The following PCNT variants were observed in gnomAD, a reference collection of about 807,000 sequenced individuals.
PCNT encodes kendrin.
In PCNT, 319 loss-of-function variants were observed where a neutral mutation model predicts 380.4. That is an observed-to-expected ratio of 0.84 (90% CI 0.77 to 0.92). The LOEUF (loss-of-function observed/expected upper bound fraction) is 0.92. PCNT is among the 40% of genes least tolerant of loss of function. The pLI is 0.00. For synonymous variants in PCNT, 1,845 were observed against 1,735.2 expected (o/e 1.06, Z -1.57); for missense variants, 4,400 against 4,255.3 (o/e 1.03, Z -0.95).
At chr21:46,369,777 G>T (rs908330555) in intron 15 of PCNT, among the ~76,000 whole-genome samples, 3 of 152,204 alleles carry the variant, frequency 2.0e-5, no homozygotes, top group Non-Finnish European at 2.9e-5. Flanking sequence ...GGAGCTGGTC[G>T]CAGCCCTGTG....
rs556962982 is a variant in PCNT at position 46,405,084 on chromosome 21, T to A, written c.5115+2601T>A. Among the ~76,000 whole-genome samples, 67 of 152,226 alleles carry A rather than the reference T, an allele frequency of 4.4e-4. No individual in the cohort carries two copies. In the South Asian group the frequency reaches 5.2e-3, roughly 12 times the overall value. On this transcript the variant is annotated intron_variant, in intron 27 of 46. Coordinates refer to ENST00000359568, the MANE Select transcript of PCNT (RefSeq NM_006031.6). ...TGAGACCCATCTCTACAAATTTTTTTAAAAAATTTAGCCAGGCATACACCT... is the reference window on the plus strand; with the variant it reads ...TGAGACCCATCTCTACAAATTTTTTAAAAAAATTTAGCCAGGCATACACCT...
chr21:46,413,012 C>T lies in PCNT; in HGVS notation c.6150+20C>T, dbSNP rs369310351. 18 of 1,603,510 alleles carry T rather than the reference C, an allele frequency of 1.1e-5. No individual in the cohort carries two copies. The highest frequency in any genetic ancestry group is 6.7e-5 in the African/African-American group (5 of 74,864). Reference sequence around the variant, plus strand: ...GGCAAGGTGTGGGGAGGGGGGAAGGCGCGAGGTCCCCCCGGGAGAGGCTGG... The same window carrying T: ...GGCAAGGTGTGGGGAGGGGGGAAGGTGCGAGGTCCCCCCGGGAGAGGCTGG... On this transcript the variant is annotated intron_variant, in intron 29 of 46. Transcript: ENST00000359568.
intron 17 of PCNT, among the ~76,000 whole-genome samples, chr21:46,386,284 A>G (rs2085832041): frequency 6.6e-6 from 1 of 150,834 alleles, no homozygotes; most frequent in African/African-American, 2.5e-5. Context: ...ACAGAGCCCG[A>G]CCCCTCCCCT....
rs552088727 is a variant in PCNT at position 46,382,535 on chromosome 21, G to C, written c.3312+695G>C. Among the ~76,000 whole-genome samples, 2 of 144,572 alleles carry C rather than the reference G, an allele frequency of 1.4e-5. 1 individual carries two copies. The highest frequency in any genetic ancestry group is 5.1e-5 in the African/African-American group (2 of 39,396). The allele number at this position is 144,572 out of a possible 152,430, so 94.8% of individuals were successfully genotyped here. A position where few individuals can be genotyped will look rare whatever the true frequency, so the allele number is the denominator to read the frequency against. On this transcript the variant is annotated intron_variant, in intron 16 of 46. Transcript: ENST00000359568. ...GTGGCAGAAGCTCATTCACAGTGTTGTGCATAGTTCAGTGGCGGAAGCACA... is the reference window on the plus strand; with the variant it reads ...GTGGCAGAAGCTCATTCACAGTGTTCTGCATAGTTCAGTGGCGGAAGCACA...
intron 24 of PCNT, among the ~76,000 whole-genome samples, chr21:46,398,616 C>A (rs1007455050): frequency 6.6e-6 from 1 of 152,190 alleles, no homozygotes. Context: ...GGCCATGCCG[C>A]CGTCCTTTCT....
chr21:46,435,925 C>A lies in PCNT; in HGVS notation c.8773C>A (p.Gln2925Lys). ...ACAGCGAGAATTAGAACTGCAGCGT[C>A]AGCGTGACTTGCATAAGATCAAGCA... ...EKLRELELQR[Q>K]RDLHKIKQLQ... Residue 2925 changes from glutamine to lysine, a missense_variant, in exon 39 of 47, where the codon CAG becomes AAG. Transcript: ENST00000359568. The A allele has an allele frequency of 6.2e-7, 1 of 1,614,200 alleles. No individual in the cohort carries two copies.
In PCNT at chr21:46,428,590, G is replaced by T. The variant is rs2087609531; in HGVS notation, c.7690G>T (p.Val2564Phe). 2 of 1,594,342 alleles carry T rather than the reference G, an allele frequency of 1.3e-6. No individual in the cohort carries two copies. Among genetic ancestry groups the T allele is most frequent in the African/African-American group, 1.3e-5 (1 of 74,958 alleles). ...GCAGGAGCACCAGCTGCGCAGGCAG[G>T]GTGGGTGTCACTGTCTACACTGCCT... ...SQQEHQLRRQ[V>F]ELLAYKVEQE... Residue 2564 changes from valine to phenylalanine, a missense_variant and splice_region_variant, in exon 35 of 47, where the codon GTT becomes TTT. Transcript: ENST00000359568.
chr21:46,438,329 A>G lies in PCNT; in HGVS notation c.9265A>G (p.Ser3089Gly). 1 of 1,614,050 alleles carries G rather than the reference A, an allele frequency of 6.2e-7. No homozygotes were observed. The change falls in exon 41 of 47, where the codon AGC (serine) becomes GGC (glycine). Residue 3089 changes from serine (S) to glycine (G), a missense_variant. By Grantham distance (56) the Ser-to-Gly change is moderately conservative (BLOSUM62 0). Coordinates refer to ENST00000359568, the MANE Select transcript of PCNT (RefSeq NM_006031.6). ...LLKHHLQKGCSPSRSERSAWK... is the reference protein window; with the variant it reads ...LLKHHLQKGCGPSRSERSAWK... The stretch of plus-strand genomic sequence containing the variant: ...GAAGCACCATCTGCAGAAGGGCTGC[A>G]GCCCAAGCGTAGGTGTCTGTGCTTA...
At chr21:46,415,812 C>CA (rs1319064923) in intron 29 of PCNT, among the ~76,000 whole-genome samples, 1 of 152,214 alleles carries the variant, frequency 6.6e-6, no homozygotes, top group African/African-American at 2.4e-5. Flanking sequence ...ATAGAACCTT[C>CA]CCATCCTTTT....
chr21:46,361,283 C>T (rs71326324), intron 13 of PCNT, among the ~76,000 whole-genome samples: 19,645 of 152,192 alleles, frequency 0.13, 1,330 homozygotes, highest in East Asian at 0.19. Flanking sequence ...CCCAGCTACT[C>T]GGGGGCCTGA....
chr21:46,363,539 T>G lies in PCNT; in HGVS notation c.2214T>G (p.Thr738=). ...AACTAAATAATGCTAAGCAAAAGAC[T>G]GAGCTGATGAAACAGGAATTCCAAA... ...QKELNNAKQK[T]ELMKQEFQRK... The change falls in exon 14 of 47, where the codon ACT becomes ACG. Residue 738 remains threonine (T), a synonymous_variant. Transcript: ENST00000359568. The G allele has an allele frequency of 6.2e-7, 1 of 1,613,958 alleles. No homozygotes were observed. Among genetic ancestry groups the G allele is most frequent in the Non-Finnish European group, 8.5e-7 (1 of 1,179,956 alleles).
rs567209200 is a variant in PCNT, at chr21:46,348,627, T to C, written c.1033-385T>C. On this transcript the variant is annotated intron_variant, in intron 6 of 46. Coordinates refer to ENST00000359568, the MANE Select transcript of PCNT (RefSeq NM_006031.6). ...GGGCCATGACTGCCCATTCTTTTTT[T>C]TCTTTGAGACAGGGTCTCATTCTGC... Among the ~76,000 whole-genome samples the C allele has an allele frequency of 2.0e-5, 3 of 152,316 alleles. No homozygotes were observed. In the East Asian group the frequency reaches 5.8e-4, roughly 29 times the overall value.
At chr21:46,411,018 A>G (rs1328857143) in intron 27 of PCNT, among the ~76,000 whole-genome samples, 171 bp from the exon 28 acceptor site, 2 of 152,220 alleles carry the variant, frequency 1.3e-5, no homozygotes, top group Non-Finnish European at 2.9e-5. Flanking sequence ...GTGGCAGCCA[A>G]GGTGGGTGTG....
chr21:46,324,432 C>T, intron 1 of PCNT, 150 bp downstream of exon 1: 1 of 741,264 alleles, frequency 1.3e-6, no homozygotes, highest in East Asian at 2.7e-5. Flanking sequence ...CCGCTGGAAG[C>T]CGCCTCCTGG....
Position 46,353,715 on chromosome 21 carries a change from GGTGTGTGTGT to G in PCNT, c.1680-244_1680-235del, listed in dbSNP as rs72175446. Among the ~76,000 whole-genome samples the G allele has an allele frequency of 1.7e-3, 213 of 129,046 alleles. 5 individuals are homozygous for G. In the East Asian group the frequency reaches 0.035, roughly 21 times the overall value. The allele number at this position is 129,046 out of a possible 152,430, so 84.7% of individuals were successfully genotyped here. A position where few individuals can be genotyped will look rare whatever the true frequency, so the allele number is the denominator to read the frequency against. ...TTGGTGGCAGGGGCACTCTCCTCCAGGTGTGTGTGTGTGTGTGTGTGTGTGTGTGTGTGTG... is the reference window on the plus strand; with the variant it reads ...TTGGTGGCAGGGGCACTCTCCTCCAGGTGTGTGTGTGTGTGTGTGTGTGTG... On this transcript the variant is annotated intron_variant, in intron 10 of 46. Coordinates refer to ENST00000359568, the MANE Select transcript of PCNT (RefSeq NM_006031.6).
chr21:46,380,227 T>C (rs1457386726), intron 15 of PCNT, among the ~76,000 whole-genome samples: 1 of 132,050 alleles, frequency 7.6e-6, no homozygotes, highest in Non-Finnish European at 1.6e-5. Context: ...AGTGGCGCAA[T>C]CTAGGCTCAC....
Position 46,413,002 on chromosome 21 carries a change from G to C in PCNT, c.6150+10G>C, listed in dbSNP as rs886057186. 19 of 1,602,540 alleles carry C rather than the reference G, an allele frequency of 1.2e-5. No homozygotes were observed. The East Asian group carries it at 3.4e-4, about 28-fold the overall frequency. ...GGAGGACGGCGGCAAGGTGTGGGGA[G>C]GGGGGAAGGCGCGAGGTCCCCCCGG... On this transcript the variant is annotated intron_variant, in intron 29 of 46. Coordinates refer to ENST00000359568, the MANE Select transcript of PCNT (RefSeq NM_006031.6).
chr21:46,394,085 T>G (rs920174664), intron 21 of PCNT, among the ~76,000 whole-genome samples: 8 of 152,234 alleles, frequency 5.3e-5, no homozygotes, highest in African/African-American at 1.9e-4. Flanking sequence ...TTTCTCACTC[T>G]GGTTTGTTTT....
Position 46,425,441 on chromosome 21 carries a change from G to A in PCNT, c.7180-390G>A, listed in dbSNP as rs1458528670. Among the ~76,000 whole-genome samples the A allele has an allele frequency of 2.6e-5, 4 of 152,244 alleles. No homozygotes were observed. The highest frequency in any genetic ancestry group is 6.5e-5 in the Admixed American group (1 of 15,292). Reference sequence around the variant, plus strand: ...CTTCTCGTAGCGTCCCAGGTGGGCAGGGAGTGTGTGATATGTTTGTGATCT... The same window carrying A: ...CTTCTCGTAGCGTCCCAGGTGGGCAAGGAGTGTGTGATATGTTTGTGATCT... On this transcript the variant is annotated intron_variant, in intron 32 of 46. Coordinates refer to ENST00000359568, the MANE Select transcript of PCNT (RefSeq NM_006031.6). This position sits in a 1 kb window ranked among gnomAD's most constrained non-coding sequence, Gnocchi z 4.2.
Sources: gnomAD v4.1 joint callset for allele counts (sites outside exome capture counted in the v4.1 genomes callset) on GRCh38, gnomAD v4.1.1 for gene constraint, Gnocchi (gnomAD v3.1) non-coding constraint, MANE v1.5 for transcripts, NCBI Gene and HGNC (gene_info 2026-07-23, HGNC 2026-07-21) for gene names.